Variants in FETUB observed in about 807,000 individuals in gnomAD.
FETUB encodes fetuin B, also known as fetuin-B.
A neutral mutation model predicts 30.9 loss-of-function variants in FETUB; 28 were observed. The observed-to-expected ratio is 0.90, with a 90% confidence interval of 0.67 to 1.24. The LOEUF (loss-of-function observed/expected upper bound fraction) is 1.24, where lower values mean the gene tolerates loss of function less well. Ranked by LOEUF, FETUB falls within the 50% of genes most tolerant of loss-of-function variation. The pLI is 0.00. For missense variants in FETUB, 469 were observed against 455.3 expected (o/e 1.03, Z -0.27); for synonymous variants, 186 against 175.9 (o/e 1.06, Z -0.45).
In FETUB at chr3:186,641,043, C is replaced by A; in HGVS notation, c.239C>A (p.Ser80Tyr). Residue 80 changes from serine to tyrosine, a missense_variant, in exon 2 of 7, where the codon TCT becomes TAT. Coordinates refer to ENST00000265029, the MANE Select transcript of FETUB (RefSeq NM_014375.3). ...AQEYRRGGLG[S>Y]LFYLTLDVLE... Reference sequence around the variant, plus strand: ...CCCTTCCCACAGGGTGGCCTGGGATCTCTGTTCTATCTTACACTGGATGTG... The same window carrying A: ...CCCTTCCCACAGGGTGGCCTGGGATATCTGTTCTATCTTACACTGGATGTG... The A allele has an allele frequency of 6.2e-7, 1 of 1,612,942 alleles. No individual in the cohort carries two copies.
At chr3:186,636,540 C>T (rs113331355), upstream of FETUB, among the ~76,000 whole-genome samples, 886 of 152,210 alleles carry the variant, frequency 5.8e-3, 4 homozygotes, top group Non-Finnish European at 8.0e-3. Context: ...TTTTTGATTC[C>T]GAAAAGTGTT....
At chr3:186,642,814 A>T (rs994940675) in intron 3 of FETUB, among the ~76,000 whole-genome samples, 1 of 152,216 alleles carries the variant, frequency 6.6e-6, no homozygotes, top group Non-Finnish European at 1.5e-5. Context: ...TCTGACATAA[A>T]TGGTATAATT....
chr3:186,651,264 AG>A lies in FETUB; in HGVS notation c.744del (p.Lys248AsnfsTer5). ...TCTCTGACTCGAACACACTGGGAAAAGTTTGTCTCTGTGACTTGTGACTTCT... is the reference window on the plus strand; with the variant it reads ...TCTCTGACTCGAACACACTGGGAAAATTTGTCTCTGTGACTTGTGACTTCT... ...KGSLTRTHWE[K>X]FVSVTCDFFE... On this transcript the variant is annotated frameshift_variant, in exon 6 of 7. Coordinates refer to ENST00000265029, the MANE Select transcript of FETUB (RefSeq NM_014375.3). LOFTEE classifies it low-confidence loss of function (END_TRUNC). The A allele has an allele frequency of 6.2e-7, 1 of 1,613,694 alleles. No homozygotes were observed. The highest frequency in any genetic ancestry group is 8.5e-7 in the Non-Finnish European group (1 of 1,179,654).
At position 186,652,668 on chromosome 3, in the gene FETUB, C is replaced by A. The variant is rs772037269; in HGVS notation, c.*37C>A. 1 of 1,552,700 alleles carries A rather than the reference C, an allele frequency of 6.4e-7. No individual in the cohort carries two copies. ...AGTCTTCTGTAGGGGTATGGTGCGCCGCATGACATGGGAGGCGATGGGGAC... is the reference window on the plus strand; with the variant it reads ...AGTCTTCTGTAGGGGTATGGTGCGCAGCATGACATGGGAGGCGATGGGGAC... On this transcript the variant is annotated 3_prime_UTR_variant, in exon 7 of 7. Transcript: ENST00000265029.
At chr3:186,646,877 T>A (rs1047540346) in intron 5 of FETUB, among the ~76,000 whole-genome samples, 1 of 152,226 alleles carries the variant, frequency 6.6e-6, no homozygotes, top group Non-Finnish European at 1.5e-5. Flanking sequence ...GTAAAATTCA[T>A]CCATTTAAGG....
Position 186,640,432 on chromosome 3 carries a change from G to T in FETUB, c.-29G>T. On this transcript the variant is annotated 5_prime_UTR_variant, in exon 1 of 7. Transcript: ENST00000265029. ...GCCAGTCCCTGCAGCTCCACAAACTGACCCATCCTGGGCCTTGTTCTCCAC... is the reference window on the plus strand; with the variant it reads ...GCCAGTCCCTGCAGCTCCACAAACTTACCCATCCTGGGCCTTGTTCTCCAC... 2 of 1,575,526 alleles carry T rather than the reference G, an allele frequency of 1.3e-6. No individual in the cohort carries two copies. Among genetic ancestry groups the T allele is most frequent in the South Asian group, 2.2e-5 (2 of 90,298 alleles).
At chr3:186,644,968 G>C (rs1717382930) in intron 4 of FETUB, 48 bp downstream of exon 4, 1 of 1,449,120 alleles carries the variant, frequency 6.9e-7, no homozygotes, top group African/African-American at 1.4e-5. Context: ...TCTCATAACT[G>C]TTGCTGTAGG....
At chr3:186,648,802 C>G (rs1717755753) in intron 5 of FETUB, among the ~76,000 whole-genome samples, 4 of 152,066 alleles carry the variant, frequency 2.6e-5, no homozygotes, top group Admixed American at 2.6e-4. Flanking sequence ...TTGGATTGTT[C>G]ATTGAAAGTG....
chr3:186,651,395 AACC>A, intron 6 of FETUB, 94 bp downstream of exon 6: 1 of 848,064 alleles, frequency 1.2e-6, no homozygotes, highest in Non-Finnish European at 2.0e-6. Flanking sequence ...TGATTTTCCC[AACC>A]ACCTTGCTCA....
At chr3:186,646,987 C>A (rs1717596024) in intron 5 of FETUB, 2 of 152,218 alleles carry the variant, frequency 1.3e-5, no homozygotes, top group South Asian at 4.1e-4. Flanking sequence ...AAACCTCATG[C>A]CCACTAACAG....
rs1456470568 is a variant in FETUB at position 186,652,346 on chromosome 3, C to T, written c.864C>T (p.Asn288=). The change falls in exon 7 of 7, where the codon AAC becomes AAT. Residue 288 remains asparagine, a synonymous_variant. Transcript: ENST00000265029. ...LPKVEESQQK[N]TPPTDSPSKA... ...AGGTGGAAGAATCCCAGCAGAAAAA[C>T]ACCCCCCCAACAGACTCCCCCTCCA... 6.2e-7 allele frequency: 1 copy of T among 1,610,832 alleles called. No individual in the cohort carries two copies. The highest frequency in any genetic ancestry group is 1.3e-5 in the African/African-American group (1 of 74,620).
At chr3:186,640,272 G>A (rs942459682), upstream of FETUB, 7 of 608,784 alleles carry the variant, frequency 1.1e-5, no homozygotes, top group Non-Finnish European at 2.1e-5. Context: ...AAGGGTCTAA[G>A]GTTAGAATCA....
rs1219695505 is a variant in FETUB, at chr3:186,641,048, T to C, written c.244T>C (p.Phe82Leu). The C allele has an allele frequency of 6.2e-7, 1 of 1,613,508 alleles. No individual in the cohort carries two copies. The highest frequency in any genetic ancestry group is 8.5e-7 in the Non-Finnish European group (1 of 1,179,446). Residue 82 changes from phenylalanine (F) to leucine (L), a missense_variant, in exon 2 of 7, where the codon TTC (phenylalanine) becomes CTC (leucine). By Grantham distance (22) the Phe-to-Leu change is conservative. Coordinates refer to ENST00000265029, the MANE Select transcript of FETUB (RefSeq NM_014375.3). ...CCCACAGGGTGGCCTGGGATCTCTG[T>C]TCTATCTTACACTGGATGTGCTAGA... ...EYRRGGLGSL[F>L]YLTLDVLETD... is the part of the protein sequence containing the mutation.
chr3:186,652,560 A>C lies in FETUB; in HGVS notation c.1078A>C (p.Lys360Gln). The change falls in exon 7 of 7, where the codon AAA becomes CAA. Residue 360 changes from lysine to glutamine, a missense_variant. Physicochemically the swap from Lys to Gln is moderately conservative, Grantham distance 53. Coordinates refer to ENST00000265029, the MANE Select transcript of FETUB (RefSeq NM_014375.3). Reference protein sequence around the residue: ...EEKLVVLPFPKEKARTAECPG... With the variant: ...EEKLVVLPFPQEKARTAECPG... ...GAAGCTGGTGGTCCTGCCTTTCCCC[A>C]AAGAAAAAGCACGCACTGCTGAGTG... 6.2e-7 allele frequency: 1 copy of C among 1,613,924 alleles called. No homozygotes were observed. The highest frequency in any genetic ancestry group is 8.5e-7 in the Non-Finnish European group (1 of 1,179,996).
chr3:186,636,700 A>G (rs1160003968), upstream of FETUB, among the ~76,000 whole-genome samples: 1 of 152,188 alleles, frequency 6.6e-6, no homozygotes, highest in Non-Finnish European at 1.5e-5. Context: ...GTGGTTTGGG[A>G]GCAGCAAATA....
rs144733906 is a variant in FETUB at position 186,652,403 on chromosome 3, T to C, written c.921T>C (p.Leu307=). The C allele has an allele frequency of 1.9e-3, 2,994 of 1,612,662 alleles. 6 individuals carry two copies. The highest frequency in any genetic ancestry group is 2.3e-3 in the Non-Finnish European group (2,733 of 1,179,414). The change falls in exon 7 of 7, where the codon CTT becomes CTC. Residue 307 remains leucine, a synonymous_variant. Coordinates refer to ENST00000265029, the MANE Select transcript of FETUB (RefSeq NM_014375.3). The part of the protein sequence containing the change: ...KAGPRGSVQY[L]PDLDDKNSQE... ...GGCCAAGAGGATCTGTCCAATATCT[T>C]CCTGACTTGGATGATAAAAATTCCC...
chr3:186,641,961 T>C (rs1426603965), intron 2 of FETUB: 1 of 153,264 alleles, frequency 6.5e-6, no homozygotes, highest in Non-Finnish European at 1.5e-5. Context: ...CACTCTAACA[T>C]GATAGAAGTT....
In FETUB at chr3:186,640,468, T is replaced by C; in HGVS notation, c.8T>C (p.Leu3Pro). The change falls in exon 1 of 7, where the codon CTG (leucine) becomes CCG (proline). Residue 3 changes from leucine (L) to proline (P), a missense_variant. Coordinates refer to ENST00000265029, the MANE Select transcript of FETUB (RefSeq NM_014375.3). Reference protein sequence around the residue: MGLLLPLALCILV... With the variant: MGPLLPLALCILV... ...GGCCTTGTTCTCCACAGAATGGGTC[T>C]GCTCCTTCCCCTGGCACTCTGCATC... 6.2e-7 allele frequency: 1 copy of C among 1,614,074 alleles called. No homozygotes were observed. Among genetic ancestry groups the C allele is most frequent in the Non-Finnish European group, 8.5e-7 (1 of 1,179,940 alleles).
chr3:186,650,233 T>C (rs1717910897), intron 5 of FETUB, among the ~76,000 whole-genome samples: 1 of 151,582 alleles, frequency 6.6e-6, no homozygotes, highest in African/African-American at 2.4e-5. Flanking sequence ...CTATTTTTAG[T>C]TTATTTTTAG....
Sources: gnomAD v4.1 joint callset for allele counts (sites outside exome capture counted in the v4.1 genomes callset) on GRCh38, gnomAD v4.1.1 for gene constraint, MANE v1.5 for transcripts, NCBI Gene and HGNC (gene_info 2026-07-23, HGNC 2026-07-21) for gene names.